Variants in CALN1 observed in about 807,000 individuals in gnomAD.
The protein encoded by CALN1 is calcium-binding protein 8.
In CALN1, 17 loss-of-function variants were observed where a neutral mutation model predicts 30.6. That is an observed-to-expected ratio of 0.56 (90% CI 0.38 to 0.83). The LOEUF (loss-of-function observed/expected upper bound fraction) is 0.83. Among genes scored for constraint, CALN1 ranks in the 40% least tolerant of loss-of-function variants. CALN1 has a pLI of 0.00. For missense variants in CALN1, 291 were observed against 354.9 expected (o/e 0.82, Z 1.45); for synonymous variants, 156 against 131.4 (o/e 1.19, Z -1.28).
chr7:72,401,790 T>C (rs1806357865), intron 2 of CALN1, among the ~76,000 whole-genome samples: 1 of 152,258 alleles, frequency 6.6e-6, no homozygotes, highest in Non-Finnish European at 1.5e-5. Context: ...TCCTCAGATC[T>C]AGAGGTAGGC....
rs531399407 is a variant in CALN1 at position 72,365,919 on chromosome 7, T to C, written c.119+37332A>G. On this transcript the variant is annotated intron_variant, in intron 2 of 6. Coordinates refer to ENST00000395275, the MANE Select transcript of CALN1 (RefSeq NM_031468.4). ...ATACTTCATCATTTCAAGAAGGAAA[T>C]TGGACAAGTATCAAAGTTTTAAATG... Among the ~76,000 whole-genome samples, 9 of 152,248 alleles carry C rather than the reference T, an allele frequency of 5.9e-5. No individual in the cohort carries two copies. The South Asian group carries it at 6.2e-4, about 11-fold the overall frequency.
At chr7:72,285,485 T>C (rs781114896) in intron 2 of CALN1, among the ~76,000 whole-genome samples, 18 of 152,116 alleles carry the variant, frequency 1.2e-4, no homozygotes, top group Non-Finnish European at 2.4e-4. Context: ...CCTTGTGATC[T>C]GCCCGCCTCG....
the CALN1 span, among the ~76,000 whole-genome samples, chr7:72,485,985 C>G: frequency 6.6e-6 from 1 of 152,164 alleles, no homozygotes; most frequent in Non-Finnish European, 1.5e-5. Flanking sequence ...GAGTCTCACT[C>G]TGTCGCCATT....
chr7:72,170,268 C>G (rs999803689), intron 3 of CALN1, among the ~76,000 whole-genome samples: 2 of 152,174 alleles, frequency 1.3e-5, no homozygotes, highest in African/African-American at 4.8e-5. Context: ...TGTGTGCCAT[C>G]GTGCCTGGCT....
chr7:72,294,294 T>C (rs1301111123), intron 2 of CALN1, among the ~76,000 whole-genome samples: 1 of 152,166 alleles, frequency 6.6e-6, no homozygotes, highest in African/African-American at 2.4e-5. Context: ...AAGTTCTCAC[T>C]TCAAACAATT....
At chr7:71,868,158 T>C (rs1791698127) in intron 5 of CALN1, among the ~76,000 whole-genome samples, 1 of 152,196 alleles carries the variant, frequency 6.6e-6, no homozygotes, top group South Asian at 2.1e-4. Flanking sequence ...TGTATTAGCC[T>C]GTTCTCGCAT....
intron 3 of CALN1, among the ~76,000 whole-genome samples, chr7:72,165,057 CCAAA>C (rs1788428354): frequency 6.6e-6 from 1 of 152,100 alleles, no homozygotes; most frequent in Non-Finnish European, 1.5e-5. Context: ...AAATTGTGCA[CCAAA>C]GCCCTATGCA....
chr7:71,791,096 A>G (rs907414049), intron 6 of CALN1, among the ~76,000 whole-genome samples: 4 of 152,180 alleles, frequency 2.6e-5, no homozygotes, highest in Non-Finnish European at 4.4e-5. Flanking sequence ...GAAGCTGGCC[A>G]TATTTCCAAA....
intron 2 of CALN1, among the ~76,000 whole-genome samples, chr7:72,368,254 TCTGTTAA>T (rs1055884233): frequency 4.6e-5 from 7 of 150,656 alleles, no homozygotes; most frequent in African/African-American, 7.3e-5. Context: ...CTAGTAATGT[TCTGTTAA>T]CTGTTAACTG....
rs117401693 is a variant in CALN1 at position 72,105,099 on chromosome 7, T to C, written c.388+1052A>G. Among the ~76,000 whole-genome samples the C allele has an allele frequency of 5.9e-3, 894 of 151,386 alleles. 4 individuals are homozygous for C. The highest frequency in any genetic ancestry group is 0.01 in the Non-Finnish European group (680 of 67,958). On this transcript the variant is annotated intron_variant, in intron 4 of 6. Coordinates refer to ENST00000395275, the MANE Select transcript of CALN1 (RefSeq NM_031468.4). ...TGCTCCTGTGTTAGTTTGCCGAGGA[T>C]AGTGGCTTCCAACTAAAATCCATTG...
intron 2 of CALN1, among the ~76,000 whole-genome samples, chr7:72,342,996 C>T (rs1802454859): frequency 6.6e-6 from 1 of 152,136 alleles, no homozygotes; most frequent in Non-Finnish European, 1.5e-5. Flanking sequence ...ACAAACTTTG[C>T]AGTGGTTTGC....
intron 5 of CALN1, among the ~76,000 whole-genome samples, chr7:71,934,912 C>T (rs1795750177): frequency 6.6e-6 from 1 of 152,098 alleles, no homozygotes; most frequent in South Asian, 2.1e-4. Flanking sequence ...ATAAAACCAT[C>T]AGATCTTGTA....
At chr7:72,299,750 G>C (rs1335214724) in intron 2 of CALN1, among the ~76,000 whole-genome samples, 1 of 147,622 alleles carries the variant, frequency 6.8e-6, no homozygotes, top group African/African-American at 2.5e-5. Context: ...GCCCAGACTG[G>C]TTTCAAACTC....
chr7:72,055,973 T>C (rs1803232197), intron 4 of CALN1, among the ~76,000 whole-genome samples: 1 of 152,214 alleles, frequency 6.6e-6, no homozygotes. Flanking sequence ...TGAGCTATGA[T>C]CGCACCACTG....
chr7:71,894,351 G>C (rs1793421002), intron 5 of CALN1, among the ~76,000 whole-genome samples: 1 of 152,160 alleles, frequency 6.6e-6, no homozygotes. Context: ...GGAGTGCAGT[G>C]GCATGATCAC....
intron 3 of CALN1, among the ~76,000 whole-genome samples, chr7:72,200,674 A>G (rs1421671586): frequency 6.6e-6 from 1 of 152,082 alleles, no homozygotes; most frequent in African/African-American, 2.4e-5. Context: ...CCATGAAAAA[A>G]AAACACACAT....
At chr7:72,418,332 G>A (rs1807490733) in intron 1 of CALN1, among the ~76,000 whole-genome samples, 2 of 152,208 alleles carry the variant, frequency 1.3e-5, no homozygotes, top group African/African-American at 4.8e-5. Flanking sequence ...ATTCCATGGT[G>A]TATATGGACC....
chr7:72,030,419 C>T (rs1377576964), intron 4 of CALN1, among the ~76,000 whole-genome samples: 1 of 152,188 alleles, frequency 6.6e-6, no homozygotes, highest in Non-Finnish European at 1.5e-5. Flanking sequence ...CTATACCAAC[C>T]CTACTGGTAA....
At chr7:72,295,336 T>C (rs757980822) in intron 2 of CALN1, among the ~76,000 whole-genome samples, 1 of 152,180 alleles carries the variant, frequency 6.6e-6, no homozygotes, top group African/African-American at 2.4e-5. Flanking sequence ...TTTTTTTAAA[T>C]CACAGAGTGT....
Sources: allele counts gnomAD v4.1 joint callset (sites outside exome capture counted in the v4.1 genomes callset), GRCh38; gene constraint gnomAD v4.1.1; transcripts MANE v1.5; gene names NCBI Gene and HGNC (gene_info 2026-07-23, HGNC 2026-07-21).